The following PIP4K2A variants were observed in gnomAD, a reference collection of about 807,000 sequenced individuals.
PIP4K2A encodes the protein phosphatidylinositol-5-phosphate 4-kinase type 2 alpha.
A neutral mutation model predicts 42.9 loss-of-function variants in PIP4K2A; 14 were observed. The ratio of observed to expected loss-of-function variants is 0.33; its 90% CI spans 0.22 to 0.51. PIP4K2A has a LOEUF of 0.51. Ranked by LOEUF, PIP4K2A falls within the 20% of genes least tolerant of loss-of-function variation. PIP4K2A has a pLI of 0.97. For synonymous variants in PIP4K2A, 192 were observed against 192.2 expected (o/e 1.00, Z 0.01); for missense variants, 434 against 519.8 (o/e 0.83, Z 1.61).
At chr10:22,569,173 T>C (rs1200794603) in intron 5 of PIP4K2A, 6 of 752,124 alleles carry the variant, frequency 8.0e-6, no homozygotes, top group East Asian at 5.4e-5. Flanking sequence ...ACTCCTCACA[T>C]TGGGGAAGGG....
At chr10:22,555,626 T>C (rs1836518097) in intron 6 of PIP4K2A, among the ~76,000 whole-genome samples, 1 of 152,178 alleles carries the variant, frequency 6.6e-6, no homozygotes. Context: ...ATACTGTACC[T>C]ATGTAATAGG....
intron 3 of PIP4K2A, among the ~76,000 whole-genome samples, chr10:22,600,167 T>C (rs113876080): frequency 3.7e-3 from 561 of 152,180 alleles, no homozygotes; most frequent in Non-Finnish European, 6.1e-3. Context: ...TTTAATTCTC[T>C]TGAACTAATC....
intron 1 of PIP4K2A, among the ~76,000 whole-genome samples, chr10:22,615,272 A>C (rs2130724695): frequency 1.3e-5 from 2 of 152,200 alleles, no homozygotes; most frequent in East Asian, 3.9e-4. Context: ...TGCATGGCTA[A>C]TTTTAAAAAT....
chr10:22,593,677 A>C (rs950685968), intron 3 of PIP4K2A, among the ~76,000 whole-genome samples: 2 of 152,216 alleles, frequency 1.3e-5, no homozygotes, highest in African/African-American at 4.8e-5. Flanking sequence ...TGCAATCACT[A>C]ATTTGCAAAA....
chr10:22,562,589 T>G (rs1564421962), intron 6 of PIP4K2A, among the ~76,000 whole-genome samples: 1 of 152,194 alleles, frequency 6.6e-6, no homozygotes, highest in Admixed American at 6.5e-5. Context: ...ATACATTTCA[T>G]TTCATCTATT....
intron 9 of PIP4K2A, 39 bp downstream of exon 9, chr10:22,539,918 AGAGAGAGAGAGAGG>A (rs1836057001): frequency 2.3e-5 from 21 of 909,368 alleles, no homozygotes; most frequent in Non-Finnish European, 3.1e-5. Context: ...AGAGGGAGAG[AGAGAGAGAGAGAGG>A]GAGAGAAAGA....
At position 22,550,729 on chromosome 10, in the gene PIP4K2A, T is replaced by C; in HGVS notation, c.722A>G (p.Glu241Gly). 6.2e-7 allele frequency: 1 copy of C among 1,608,218 alleles called. No individual in the cohort carries two copies. The highest frequency in any genetic ancestry group is 8.5e-7 in the Non-Finnish European group (1 of 1,174,548). ...GTCATCAATATAAATCTTTTGGCCC[T>C]CATTAATGAAATCATTATCTTTCAG... ...PTLKDNDFIN[E>G]GQKIYIDDNN... is the part of the protein sequence containing the mutation. Residue 241 changes from glutamate to glycine, a missense_variant, in exon 7 of 10, where the codon GAG becomes GGG. By Grantham distance (98) the Glu-to-Gly change is moderately conservative. This residue lies in a region of PIP4K2A where 395 missense variants were observed against 444.5 expected (regional missense o/e 0.89). Coordinates refer to ENST00000376573, the MANE Select transcript of PIP4K2A (RefSeq NM_005028.5).
At chr10:22,657,840 A>T (rs1176608652) in intron 1 of PIP4K2A, among the ~76,000 whole-genome samples, 3 of 152,264 alleles carry the variant, frequency 2.0e-5, no homozygotes, top group African/African-American at 4.8e-5. Context: ...CTGTTATTAA[A>T]CATCCCATCA....
rs186459779 is a variant in PIP4K2A at position 22,643,445 on chromosome 10, C to T, written c.145-33728G>A. On this transcript the variant is annotated intron_variant, in intron 1 of 9. Transcript: ENST00000376573. Reference sequence around the variant, plus strand: ...AAAGTTTGCTCACCCTTAGATCTGTCTTAGGAAGGCAGATTAATCCCACCA... The same window carrying T: ...AAAGTTTGCTCACCCTTAGATCTGTTTTAGGAAGGCAGATTAATCCCACCA... Among the ~76,000 whole-genome samples the T allele has an allele frequency of 1.6e-3, 249 of 152,228 alleles. 6 individuals are homozygous for T. The highest frequency in any genetic ancestry group is 0.016 in the Admixed American group (244 of 15,284).
intron 1 of PIP4K2A, among the ~76,000 whole-genome samples, chr10:22,696,314 T>C (rs572599788): frequency 6.6e-6 from 1 of 152,354 alleles, no homozygotes; most frequent in South Asian, 2.1e-4. Context: ...TCAGCTGACA[T>C]GCCCAACTGT....
At chr10:22,588,344 G>A (rs1025573369) in intron 4 of PIP4K2A, among the ~76,000 whole-genome samples, 1 of 152,128 alleles carries the variant, frequency 6.6e-6, no homozygotes, top group Non-Finnish European at 1.5e-5. Context: ...CAAGGATGTT[G>A]TTTTATCAGG....
intron 6 of PIP4K2A, among the ~76,000 whole-genome samples, chr10:22,563,850 T>C (rs1836769905): frequency 6.6e-6 from 1 of 152,208 alleles, no homozygotes; most frequent in Non-Finnish European, 1.5e-5. Context: ...ACATAATTCA[T>C]GTACAATTTA....
chr10:22,574,746 T>G (rs886397514), intron 4 of PIP4K2A, among the ~76,000 whole-genome samples: 1 of 152,226 alleles, frequency 6.6e-6, no homozygotes, highest in Non-Finnish European at 1.5e-5. Context: ...AGTTTCACCT[T>G]GTTATTTGAA....
At chr10:22,581,098 C>T (rs1837266893) in intron 4 of PIP4K2A, among the ~76,000 whole-genome samples, 1 of 152,226 alleles carries the variant, frequency 6.6e-6, no homozygotes, top group Admixed American at 6.5e-5. Context: ...GCACAGGCAG[C>T]ATGAACACAA....
At chr10:22,679,472 T>C (rs10159977) in intron 1 of PIP4K2A, among the ~76,000 whole-genome samples, 235 of 152,314 alleles carry the variant, frequency 1.5e-3, no homozygotes, top group African/African-American at 5.2e-3. Flanking sequence ...CTAGTAAGAA[T>C]GTAAAATTAT....
intron 1 of PIP4K2A, among the ~76,000 whole-genome samples, chr10:22,671,194 G>C (rs1196307321): frequency 6.6e-6 from 1 of 152,046 alleles, no homozygotes; most frequent in Non-Finnish European, 1.5e-5. Context: ...ACATATATCA[G>C]TCTAAAATAT....
chr10:22,693,722 C>T (rs1357242079), intron 1 of PIP4K2A, among the ~76,000 whole-genome samples: 1 of 152,112 alleles, frequency 6.6e-6, no homozygotes, highest in Non-Finnish European at 1.5e-5. Flanking sequence ...CCTGGTGCTG[C>T]GTTGGGAGAC....
At chr10:22,576,306 C>A (rs1229381108) in intron 4 of PIP4K2A, among the ~76,000 whole-genome samples, 1 of 152,178 alleles carries the variant, frequency 6.6e-6, no homozygotes, top group Non-Finnish European at 1.5e-5. Context: ...TGTTCTCTAG[C>A]ACGATGCGCT....
At chr10:22,681,668 C>T (rs374073105) in intron 1 of PIP4K2A, among the ~76,000 whole-genome samples, 17 of 151,650 alleles carry the variant, frequency 1.1e-4, no homozygotes, top group East Asian at 9.7e-4. Flanking sequence ...GAGCAAGACC[C>T]TATTTCTAAA....
Sources: allele counts gnomAD v4.1 joint callset (sites outside exome capture counted in the v4.1 genomes callset), GRCh38; gene constraint gnomAD v4.1.1; regional missense constraint gnomAD v4.1.1; transcripts MANE v1.5; gene names NCBI Gene and HGNC (gene_info 2026-07-23, HGNC 2026-07-21).